Variants in ADORA1 observed in about 807,000 individuals in gnomAD.
The protein encoded by ADORA1 is adenosine receptor A1.
In ADORA1, 6 loss-of-function variants were observed where a neutral mutation model predicts 19.9. The ratio of observed to expected loss-of-function variants is 0.30; its 90% CI spans 0.17 to 0.59. ADORA1 has a LOEUF of 0.59. Among genes scored for constraint, ADORA1 ranks in the 20% least tolerant of loss-of-function variants. ADORA1 has a pLI of 0.87. For synonymous variants in ADORA1, 194 were observed against 188.4 expected, an observed-to-expected ratio of 1.03 and a Z score of -0.24; for missense variants, 302 against 439.2, an observed-to-expected ratio of 0.69 and a Z score of 2.79.
intron 3 of ADORA1, among the ~76,000 whole-genome samples, chr1:203,161,729 G>A (rs1041317838): frequency 1.3e-5 from 2 of 151,934 alleles, no homozygotes; most frequent in African/African-American, 2.4e-5. Flanking sequence ...GCACCACCAC[G>A]CCTGACTAAT....
rs114936910 is a variant in ADORA1, at chr1:203,153,446, C to T, written c.342-11815C>T. ...CCCACCAGGCTGTGGAGTTATTTGT[C>T]CTCAGCAAGTGACCAGGAGTGATTT... On this transcript the variant is annotated intron_variant, in intron 3 of 3. Coordinates refer to ENST00000337894, the MANE Select transcript of ADORA1 (RefSeq NM_000674.3). 3.5e-3 allele frequency among the ~76,000 whole-genome samples: 526 copies of T among 152,318 alleles called. 3 individuals are homozygous for T. The highest frequency in any genetic ancestry group is 0.012 in the African/African-American group (507 of 41,566).
At chr1:203,154,923 A>G (rs952882974) in intron 3 of ADORA1, among the ~76,000 whole-genome samples, 1 of 151,318 alleles carries the variant, frequency 6.6e-6, no homozygotes, top group Admixed American at 6.6e-5. Flanking sequence ...GTCTATGCCC[A>G]CCCCCTCTTC....
intron 3 of ADORA1, among the ~76,000 whole-genome samples, chr1:203,154,954 T>C (rs1176453233): frequency 6.6e-6 from 1 of 152,040 alleles, no homozygotes; most frequent in Non-Finnish European, 1.5e-5. Flanking sequence ...CTCTGTCAGA[T>C]GTGTCTTCGC....
At position 203,165,486 on chromosome 1, in the gene ADORA1, G is replaced by C. The variant is rs1280055958; in HGVS notation, c.567G>C (p.Val189=). The change falls in exon 4 of 4, where the codon GTG becomes GTC. Residue 189 remains valine (V), a synonymous_variant. Coordinates refer to ENST00000337894, the MANE Select transcript of ADORA1 (RefSeq NM_000674.3). The surrounding 1 kb of genome is among the most constrained non-coding windows in gnomAD (Gnocchi z 5.9). Reference sequence around the variant, plus strand: ...TCTACTTCAACTTCTTTGTGTGGGTGCTGCCCCCGCTTCTCCTCATGGTCC... The same window carrying C: ...TCTACTTCAACTTCTTTGTGTGGGTCCTGCCCCCGCTTCTCCTCATGGTCC... The part of the protein sequence containing the change: ...YMVYFNFFVW[V]LPPLLLMVLI... The C allele has an allele frequency of 6.2e-7, 1 of 1,613,220 alleles. No homozygotes were observed. The highest frequency in any genetic ancestry group is 1.7e-5 in the Admixed American group (1 of 59,948).
At position 203,128,222 on chromosome 1, in the gene ADORA1, C is replaced by T; in HGVS notation, c.-212-56C>T. 2.3e-6 allele frequency: 2 copies of T among 886,086 alleles called. No homozygotes were observed. Among genetic ancestry groups the T allele is most frequent in the Non-Finnish European group, 3.0e-6 (2 of 657,852 alleles). The allele number at this position is 886,086 out of a possible 1,614,324, so 54.9% of individuals were successfully genotyped here. A position where few individuals can be genotyped will look rare whatever the true frequency, so the allele number is the denominator to read the frequency against. Reference sequence around the variant, plus strand: ...TCCCAGGTGCGAAACAGGGGCGCTACCTCTTTAAAAGCGTCCGGGGCTGAG... The same window carrying T: ...TCCCAGGTGCGAAACAGGGGCGCTATCTCTTTAAAAGCGTCCGGGGCTGAG... On this transcript the variant is annotated intron_variant, in intron 1 of 3. Transcript: ENST00000337894. This position sits in a 1 kb window ranked among gnomAD's most constrained non-coding sequence, Gnocchi z 5.9.
At chr1:203,147,965 T>C (rs1013575856) in intron 3 of ADORA1, among the ~76,000 whole-genome samples, 1 of 152,184 alleles carries the variant, frequency 6.6e-6, no homozygotes, top group Non-Finnish European at 1.5e-5. Context: ...ATGCCTATAA[T>C]CCCAGCACTT....
chr1:203,150,443 G>A (rs1415640550), intron 3 of ADORA1, among the ~76,000 whole-genome samples: 1 of 152,188 alleles, frequency 6.6e-6, no homozygotes, highest in Non-Finnish European at 1.5e-5. Context: ...TGTACACTGT[G>A]GGCTTGGTGA....
At position 203,166,749 on chromosome 1, in the gene ADORA1, C is replaced by G. The variant is rs1655570962; in HGVS notation, c.*849C>G. The G allele has an allele frequency of 6.5e-6, 1 of 152,706 alleles. No individual in the cohort carries two copies. 9.5% of individuals were successfully genotyped at this position (152,706 alleles called of 1,614,324 possible). A position where few individuals can be genotyped will look rare whatever the true frequency, so the allele number is the denominator to read the frequency against. On this transcript the variant is annotated 3_prime_UTR_variant, in exon 4 of 4. Coordinates refer to ENST00000337894, the MANE Select transcript of ADORA1 (RefSeq NM_000674.3). ...TTACCTGTCATCTGGGCCACCAGCT[C>G]CACTGGCCTGCCCGTTGCCGGGCCT...
chr1:203,130,334 G>A (rs1654292464), intron 3 of ADORA1, among the ~76,000 whole-genome samples: 1 of 152,234 alleles, frequency 6.6e-6, no homozygotes, highest in African/African-American at 2.4e-5. Context: ...TGTAAGGGAG[G>A]TGGAGCAGGA....
At chr1:203,132,316 A>G (rs185257384) in intron 3 of ADORA1, among the ~76,000 whole-genome samples, 12 of 152,200 alleles carry the variant, frequency 7.9e-5, no homozygotes, top group Non-Finnish European at 1.6e-4. Context: ...CCCGAGGGCT[A>G]GTTGTAGGGA....
chr1:203,143,983 A>C (rs1007909459), intron 3 of ADORA1, among the ~76,000 whole-genome samples: 1 of 152,028 alleles, frequency 6.6e-6, no homozygotes. Flanking sequence ...CCTGTACTCA[A>C]CACTCACTTT....
At chr1:203,163,263 C>T (rs1655427631) in intron 3 of ADORA1, among the ~76,000 whole-genome samples, 1 of 152,180 alleles carries the variant, frequency 6.6e-6, no homozygotes, top group Non-Finnish European at 1.5e-5. Context: ...AGAGTACTTG[C>T]ACACGTAGTA....
intron 3 of ADORA1, chr1:203,150,026 C>T (rs1006239352): frequency 6.6e-6 from 1 of 152,328 alleles, no homozygotes; most frequent in African/African-American, 2.4e-5. Context: ...TTCGTCTTCG[C>T]CCTTCAGGTA....
intron 3 of ADORA1, among the ~76,000 whole-genome samples, chr1:203,129,973 C>A (rs899493849): frequency 6.6e-6 from 1 of 152,240 alleles, no homozygotes; most frequent in Non-Finnish European, 1.5e-5. Flanking sequence ...GAGCTCCCTG[C>A]CAGGCCACAA....
chr1:203,155,647 G>A (rs915525536), intron 3 of ADORA1, among the ~76,000 whole-genome samples: 1 of 152,236 alleles, frequency 6.6e-6, no homozygotes, highest in Non-Finnish European at 1.5e-5. Context: ...GGCCAGGGAA[G>A]CCTCTGCTGG....
chr1:203,153,771 C>T (rs1187282320), intron 3 of ADORA1, among the ~76,000 whole-genome samples: 5 of 152,182 alleles, frequency 3.3e-5, no homozygotes. Flanking sequence ...GTGTGCCCAG[C>T]ACCTTTGATT....
chr1:203,129,395 C>A, intron 3 of ADORA1: 1 of 663,896 alleles, frequency 1.5e-6, no homozygotes, highest in Non-Finnish European at 1.9e-6. Flanking sequence ...GTACTGTGAA[C>A]TTACCAGTGC....
At position 203,165,133 on chromosome 1, in the gene ADORA1, C is replaced by G. The variant is rs1655497208; in HGVS notation, c.342-128C>G. On this transcript the variant is annotated intron_variant, in intron 3 of 3. Transcript: ENST00000337894. The surrounding 1 kb of genome is among the most constrained non-coding windows in gnomAD (Gnocchi z 5.9). ...CCCTCGAGCAAAAGACATGCACCTC[C>G]CCACTCACCGGGCCCTGGAAGAGGA... 6.4e-7 allele frequency: 1 copy of G among 1,559,702 alleles called. No individual in the cohort carries two copies. Among genetic ancestry groups the G allele is most frequent in the Non-Finnish European group, 8.7e-7 (1 of 1,152,048 alleles).
chr1:203,159,645 G>A (rs1655302168), intron 3 of ADORA1, among the ~76,000 whole-genome samples: 1 of 152,158 alleles, frequency 6.6e-6, no homozygotes, highest in South Asian at 2.1e-4. Context: ...TCTCTAAAAT[G>A]ATCTGGTTTA....
Sources: allele counts gnomAD v4.1 joint callset (sites outside exome capture counted in the v4.1 genomes callset), GRCh38; gene constraint gnomAD v4.1.1; non-coding constraint Gnocchi (gnomAD v3.1); transcripts MANE v1.5; gene names NCBI Gene and HGNC (gene_info 2026-07-23, HGNC 2026-07-21).